ZC3H12C: variants seen among roughly 807,000 people sequenced by gnomAD.
ZC3H12C encodes the protein zinc finger CCCH-type containing 12C.
Under a neutral mutation model 76.3 loss-of-function variants are expected in ZC3H12C, and 20 were observed. The ratio of observed to expected loss-of-function variants is 0.26; its 90% CI spans 0.18 to 0.38. The LOEUF (loss-of-function observed/expected upper bound fraction) is 0.38, where lower values mean the gene tolerates loss of function less well. Among genes scored for constraint, ZC3H12C ranks in the 10% least tolerant of loss-of-function variants. The pLI, the probability that ZC3H12C is intolerant of heterozygous loss-of-function variation, is 1.00. For synonymous variants in ZC3H12C, 352 were observed against 399.6 expected, an observed-to-expected ratio of 0.88 and a Z score of 1.42; for missense variants, 874 against 1,086.5, an observed-to-expected ratio of 0.80 and a Z score of 2.75.
intron 1 of ZC3H12C, 184 bp from the exon 2 acceptor site, chr11:110,136,479 T>A (rs1309517514): frequency 1.6e-6 from 1 of 613,410 alleles, no homozygotes; most frequent in Non-Finnish European, 2.7e-6. Flanking sequence ...CTTTCTAATT[T>A]ATGACTTCTT....
At chr11:110,093,481 T>C in intron 1 of ZC3H12C, 49 bp downstream of exon 1, 1 of 1,168,826 alleles carries the variant, frequency 8.6e-7, no homozygotes, top group Non-Finnish European at 1.1e-6. Flanking sequence ...GCGAGAGTGG[T>C]CCTGGGGTAG....
chr11:110,147,702 C>G (rs1862196348), intron 2 of ZC3H12C, among the ~76,000 whole-genome samples: 1 of 152,006 alleles, frequency 6.6e-6, no homozygotes, highest in African/African-American at 2.4e-5. Context: ...GTTTGGTATC[C>G]TTACTCCTTT....
chr11:110,137,079 G>A lies in ZC3H12C; in HGVS notation c.438G>A (p.Gln146=). 6.2e-7 allele frequency: 1 copy of A among 1,613,854 alleles called. No homozygotes were observed. The highest frequency in any genetic ancestry group is 8.5e-7 in the Non-Finnish European group (1 of 1,179,874). Reference sequence around the variant, plus strand: ...AAGACTTTAAACCTGAAGAGTCCCAGACTACATCCAAGGAAGCAAAGAAAC... The same window carrying A: ...AAGACTTTAAACCTGAAGAGTCCCAAACTACATCCAAGGAAGCAAAGAAAC... ...ILQDFKPEES[Q]TTSKEAKKPP... Residue 146 remains glutamine, a synonymous_variant, in exon 2 of 6, where the codon CAG becomes CAA. Coordinates refer to ENST00000278590, the MANE Select transcript of ZC3H12C (RefSeq NM_033390.2).
chr11:110,164,318 C>T lies in ZC3H12C; in HGVS notation c.1256-23C>T. 6.4e-7 allele frequency: 1 copy of T among 1,557,864 alleles called. No individual in the cohort carries two copies. The highest frequency in any genetic ancestry group is 8.7e-7 in the Non-Finnish European group (1 of 1,153,710). Reference sequence around the variant, plus strand: ...AGGATCTGATGGTATGCTCCTTTGCCTAATTAATTTTACTCTTCTTAGGAA... The same window carrying T: ...AGGATCTGATGGTATGCTCCTTTGCTTAATTAATTTTACTCTTCTTAGGAA... On this transcript the variant is annotated intron_variant, in intron 5 of 5. Transcript: ENST00000278590. This position sits in a 1 kb window ranked among gnomAD's most constrained non-coding sequence, Gnocchi z 5.7.
intron 1 of ZC3H12C, among the ~76,000 whole-genome samples, chr11:110,127,786 C>T (rs1343292206): frequency 6.6e-6 from 1 of 151,684 alleles, no homozygotes; most frequent in African/African-American, 2.4e-5. Flanking sequence ...GTCCCAGCTA[C>T]TTCGGAGGCA....
chr11:110,112,807 GT>G (rs946167988), intron 1 of ZC3H12C, among the ~76,000 whole-genome samples: 5 of 152,140 alleles, frequency 3.3e-5, no homozygotes, highest in African/African-American at 9.7e-5. Flanking sequence ...AAAGCCAATG[GT>G]TGCCTGACTG....
At chr11:110,159,192 A>G (rs1173823960) in intron 3 of ZC3H12C, 64 bp from the exon 4 acceptor site, 11 of 1,259,384 alleles carry the variant, frequency 8.7e-6, no homozygotes, top group Non-Finnish European at 2.3e-6. Context: ...ACATTGTATG[A>G]AAGTTGCCAT....
At chr11:110,163,459 T>C in intron 5 of ZC3H12C, 80 bp downstream of exon 5, 1 of 1,213,570 alleles carries the variant, frequency 8.2e-7, no homozygotes, top group Non-Finnish European at 1.1e-6. Context: ...AAATGAACAC[T>C]TAAAATTTTG....
chr11:110,132,535 T>C (rs1445496208), intron 1 of ZC3H12C, among the ~76,000 whole-genome samples: 1 of 152,208 alleles, frequency 6.6e-6, no homozygotes, highest in Non-Finnish European at 1.5e-5. Flanking sequence ...ATACAGTATC[T>C]GGAAGGAATT....
intron 1 of ZC3H12C, among the ~76,000 whole-genome samples, chr11:110,106,623 G>T (rs942667902): frequency 6.6e-6 from 1 of 152,142 alleles, no homozygotes; most frequent in Admixed American, 6.5e-5. Context: ...GGTATATATC[G>T]AAGCACTTAA....
Position 110,167,534 on chromosome 11 carries a change from T to G in ZC3H12C, c.*1797T>G, listed in dbSNP as rs780975293. The G allele has an allele frequency of 1.3e-5, 2 of 152,170 alleles. No homozygotes were observed. Among genetic ancestry groups the G allele is most frequent in the Non-Finnish European group, 2.9e-5 (2 of 68,018 alleles). 9.4% of individuals were successfully genotyped at this position (152,170 alleles called of 1,614,324 possible). On this transcript the variant is annotated 3_prime_UTR_variant, in exon 6 of 6. Coordinates refer to ENST00000278590, the MANE Select transcript of ZC3H12C (RefSeq NM_033390.2). ...TTTCTTTCTCCTAAAACTTACCTAG[T>G]GTGAACTTAAAATAAAGGTAAAATG... is the stretch of plus-strand genomic sequence containing the variant.
chr11:110,141,635 C>T (rs1272055673), intron 2 of ZC3H12C, among the ~76,000 whole-genome samples: 1 of 152,048 alleles, frequency 6.6e-6, no homozygotes, highest in Non-Finnish European at 1.5e-5. Flanking sequence ...TAAAAATTGC[C>T]GGAATTCATA....
chr11:110,131,870 G>A (rs1256435429), intron 1 of ZC3H12C: 1 of 152,250 alleles, frequency 6.6e-6, no homozygotes, highest in Admixed American at 6.5e-5. Flanking sequence ...TCTATTGAAA[G>A]TTTTCCGAAG....
chr11:110,111,810 T>C (rs1240426597), intron 1 of ZC3H12C, among the ~76,000 whole-genome samples: 1 of 151,636 alleles, frequency 6.6e-6, no homozygotes, highest in Non-Finnish European at 1.5e-5. Context: ...CCCAAGGTGC[T>C]GAGATTACAG....
Position 110,159,248 on chromosome 11 carries a change from T to C in ZC3H12C, c.914-8T>C, listed in dbSNP as rs199811747. 8.8e-5 allele frequency: 141 copies of C among 1,598,498 alleles called. No individual in the cohort carries two copies. In the African/African-American group the frequency reaches 1.7e-3, roughly 20 times the overall value. Reference sequence around the variant, plus strand: ...CTTTCTGCCATCCTACCGTCATTATTCTTGCAGATCAGGAAATTTTACGTA... The same window carrying C: ...CTTTCTGCCATCCTACCGTCATTATCCTTGCAGATCAGGAAATTTTACGTA... On this transcript the variant is annotated splice_region_variant and splice_polypyrimidine_tract_variant and intron_variant, in intron 3 of 5. Transcript: ENST00000278590.
chr11:110,148,499 A>C (rs551456655), intron 2 of ZC3H12C, among the ~76,000 whole-genome samples: 1 of 152,322 alleles, frequency 6.6e-6, no homozygotes, highest in Non-Finnish European at 1.5e-5. Context: ...TTTCCCTGGG[A>C]ACCAAATCCC....
At chr11:110,117,869 T>C (rs1861569224) in intron 1 of ZC3H12C, among the ~76,000 whole-genome samples, 1 of 74,812 alleles carries the variant, frequency 1.3e-5, no homozygotes, top group African/African-American at 4.3e-5. Flanking sequence ...ATAATATATA[T>C]ACACACACAT....
intron 1 of ZC3H12C, among the ~76,000 whole-genome samples, chr11:110,110,608 T>G (rs1861408383): frequency 6.6e-6 from 1 of 152,170 alleles, no homozygotes. Context: ...TGGAGAAGGG[T>G]GGCAATTCTA....
chr11:110,103,730 C>G (rs2134146480), intron 1 of ZC3H12C, among the ~76,000 whole-genome samples: 1 of 152,040 alleles, frequency 6.6e-6, no homozygotes, highest in East Asian at 1.9e-4. Flanking sequence ...CTCAGCCTCC[C>G]CAGTAGCTGG....
Sources: allele counts gnomAD v4.1 joint callset (sites outside exome capture counted in the v4.1 genomes callset), GRCh38; gene constraint gnomAD v4.1.1; non-coding constraint Gnocchi (gnomAD v3.1); transcripts MANE v1.5; gene names NCBI Gene and HGNC (gene_info 2026-07-23, HGNC 2026-07-21).